The following PISD variants were observed in gnomAD, a reference collection of about 807,000 sequenced individuals.
PISD encodes the protein phosphatidylserine decarboxylase proenzyme, mitochondrial.
In PISD, 31 loss-of-function variants were observed where a neutral mutation model predicts 43.5. That is an observed-to-expected ratio of 0.71 (90% confidence interval 0.54 to 0.96). The LOEUF (loss-of-function observed/expected upper bound fraction) is 0.96, where lower values mean the gene tolerates loss of function less well. PISD is among the 40% of genes least tolerant of loss of function. PISD has a pLI of 0.00. For missense variants in PISD, 523 were observed against 548.4 expected, an observed-to-expected ratio of 0.95 and a Z score of 0.46; for synonymous variants, 259 against 228.7, an observed-to-expected ratio of 1.13 and a Z score of -1.20.
chr22:31,658,668 GCTT>G (rs2074241936), intron 1 of PISD, among the ~76,000 whole-genome samples: 1 of 151,662 alleles, frequency 6.6e-6, no homozygotes, highest in African/African-American at 2.4e-5. Context: ...TCCCACCTTA[GCTT>G]CCCAAGTAGC....
At chr22:31,629,543 G>A (rs935611804) in intron 3 of PISD, among the ~76,000 whole-genome samples, 3 of 147,384 alleles carry the variant, frequency 2.0e-5, no homozygotes, top group Middle Eastern at 3.7e-3. Flanking sequence ...GTGTGTAGGT[G>A]AGGGGGTGTG....
intron 1 of PISD, among the ~76,000 whole-genome samples, chr22:31,658,285 G>A (rs1344890255): frequency 6.6e-6 from 1 of 152,136 alleles, no homozygotes; most frequent in Non-Finnish European, 1.5e-5. Flanking sequence ...AAATCTCAGC[G>A]CTGCCACTTC....
chr22:31,632,581 T>G (rs2073252724), intron 3 of PISD, among the ~76,000 whole-genome samples: 1 of 152,132 alleles, frequency 6.6e-6, no homozygotes, highest in Non-Finnish European at 1.5e-5. Flanking sequence ...CCCAAAGCCA[T>G]GCACATTAGG....
chr22:31,659,089 T>G (rs2074253195), intron 1 of PISD, among the ~76,000 whole-genome samples: 1 of 152,002 alleles, frequency 6.6e-6, no homozygotes, highest in Non-Finnish European at 1.5e-5. Context: ...CCTGAGCTCA[T>G]GCAATCCACC....
At chr22:31,640,332 G>C (rs1028297804) in intron 3 of PISD, among the ~76,000 whole-genome samples, 32 of 151,780 alleles carry the variant, frequency 2.1e-4, no homozygotes, top group Middle Eastern at 3.5e-3. Flanking sequence ...CAAGTAGCTG[G>C]GACCACAGGC....
chr22:31,628,024 G>A (rs2073002974), intron 3 of PISD: 16 of 985,316 alleles, frequency 1.6e-5, no homozygotes, highest in South Asian at 4.7e-5. Context: ...CCCAGTGAGG[G>A]CAGGGCGTCC....
At chr22:31,621,509 AG>A (rs766274865) in intron 4 of PISD, 37 bp from the exon 5 acceptor site, 1 of 1,612,868 alleles carries the variant, frequency 6.2e-7, no homozygotes, top group Admixed American at 1.7e-5. Context: ...CAGGGAGAGC[AG>A]GGTCTCCTCC....
At chr22:31,644,066 A>G (rs1285517011) in intron 3 of PISD, among the ~76,000 whole-genome samples, 1 of 151,484 alleles carries the variant, frequency 6.6e-6, no homozygotes, top group Non-Finnish European at 1.5e-5. Context: ...AAACAAAAAC[A>G]AAAACAAAAA....
intron 3 of PISD, 22 bp from the exon 4 acceptor site, chr22:31,621,907 G>A (rs764873699): frequency 5.1e-6 from 8 of 1,569,716 alleles, no homozygotes; most frequent in Admixed American, 1.7e-5. Context: ...AGGGCAAGGG[G>A]CTGAGTTGAC....
chr22:31,650,696 T>C lies in PISD; in HGVS notation c.145+3A>G, dbSNP rs569129939. 53 of 1,534,356 alleles carry C rather than the reference T, an allele frequency of 3.5e-5. No homozygotes were observed. The South Asian group carries it at 6.2e-4, about 18-fold the overall frequency. On this transcript the variant is annotated splice_donor_region_variant and intron_variant, in intron 2 of 7. Transcript: ENST00000439502. ...GTCACCACCATCTCTAATTGCTCCT[T>C]ACCTGTGCGAAAGGCTCTAAAAGGC...
At chr22:31,632,883 T>C (rs904019147) in intron 3 of PISD, among the ~76,000 whole-genome samples, 1 of 152,246 alleles carries the variant, frequency 6.6e-6, no homozygotes, top group African/African-American at 2.4e-5. Flanking sequence ...CCATAGGAAC[T>C]TAATTCTTGC....
At chr22:31,633,774 C>T (rs554477794) in intron 3 of PISD, among the ~76,000 whole-genome samples, 8 of 152,256 alleles carry the variant, frequency 5.3e-5, no homozygotes, top group Middle Eastern at 3.4e-3. Context: ...ACAAGTTGGC[C>T]GAGATTAGCA....
At chr22:31,654,926 A>C (rs1222868486) in intron 1 of PISD, among the ~76,000 whole-genome samples, 1 of 152,024 alleles carries the variant, frequency 6.6e-6, no homozygotes, top group Non-Finnish European at 1.5e-5. Flanking sequence ...AATCCAAAAA[A>C]TTAGATGGGC....
At chr22:31,641,776 C>T (rs918874032) in intron 3 of PISD, among the ~76,000 whole-genome samples, 5 of 150,954 alleles carry the variant, frequency 3.3e-5, no homozygotes, top group Admixed American at 1.3e-4. Context: ...GCTGAGATCG[C>T]GCCACTGCAC....
At chr22:31,646,879 TTTTG>T (rs2147781335) in intron 3 of PISD, among the ~76,000 whole-genome samples, 1 of 152,254 alleles carries the variant, frequency 6.6e-6, no homozygotes, top group East Asian at 1.9e-4. Flanking sequence ...AAACTTTTTT[TTTTG>T]TTTAAGGTAG....
upstream of PISD, chr22:31,662,223 C>G: frequency 4.4e-6 from 7 of 1,601,856 alleles, no homozygotes; most frequent in Non-Finnish European, 5.9e-6. Context: ...TCTGCTCCTT[C>G]TCAGCGTGCC....
chr22:31,634,711 G>A (rs973294818), intron 3 of PISD, among the ~76,000 whole-genome samples: 2 of 150,714 alleles, frequency 1.3e-5, no homozygotes, highest in South Asian at 2.1e-4. Flanking sequence ...GGTGGTGCAC[G>A]CCTGTAATCC....
intron 3 of PISD, chr22:31,626,080 C>G: frequency 7.2e-7 from 1 of 1,395,272 alleles, no homozygotes; most frequent in South Asian, 1.6e-5. Flanking sequence ...GGCTTGCAGT[C>G]CAGTGCAAAA....
At chr22:31,637,590 AC>A in intron 3 of PISD, among the ~76,000 whole-genome samples, 1 of 152,110 alleles carries the variant, frequency 6.6e-6, no homozygotes, top group East Asian at 1.9e-4. Flanking sequence ...TCACGCTGGG[AC>A]GTGCATGTCA....
Sources: gnomAD v4.1 joint callset for allele counts (sites outside exome capture counted in the v4.1 genomes callset) on GRCh38, gnomAD v4.1.1 for gene constraint, MANE v1.5 for transcripts, NCBI Gene and HGNC (gene_info 2026-07-23, HGNC 2026-07-21) for gene names.